The following AVEN variants were observed in gnomAD, a reference collection of about 807,000 sequenced individuals.
AVEN encodes the protein apoptosis and caspase activation inhibitor.
Under a neutral mutation model 38.1 loss-of-function variants are expected in AVEN, and 41 were observed. The observed-to-expected ratio is 1.08, with a 90% CI of 0.84 to 1.40. The LOEUF (loss-of-function observed/expected upper bound fraction) is 1.40, where lower values mean the gene tolerates loss of function less well. Among genes scored for constraint, AVEN ranks in the 40% most tolerant of loss-of-function variants. The pLI is 0.00. For missense variants in AVEN, 605 were observed against 438.8 expected (o/e 1.38, Z -3.38); for synonymous variants, 206 against 171.8 (o/e 1.20, Z -1.56).
chr15:33,859,267 T>G (rs2080076957), intron 11 of AVEN, among the ~76,000 whole-genome samples: 1 of 152,192 alleles, frequency 6.6e-6, no homozygotes, highest in Non-Finnish European at 1.5e-5. Context: ...GAGGAAAAAT[T>G]ATTATATGGC....
chr15:33,855,629 CAATATTT>C (rs2079573175), downstream of AVEN, among the ~76,000 whole-genome samples: 2 of 1,810 alleles, frequency 1.1e-3, no homozygotes, highest in African/African-American at 2.5e-3. Flanking sequence ...AATTAAGAGC[CAATATTT>C]CTGATATCTG....
chr15:34,068,325 C>A (rs892918378), intron 2 of AVEN, among the ~76,000 whole-genome samples: 1 of 151,828 alleles, frequency 6.6e-6, no homozygotes, highest in Non-Finnish European at 1.5e-5. Context: ...CCCACCTCAG[C>A]CTCCCAAGTA....
At chr15:33,863,729 G>C (rs940649639), downstream of AVEN, among the ~76,000 whole-genome samples, 1 of 152,176 alleles carries the variant, frequency 6.6e-6, no homozygotes, top group Non-Finnish European at 1.5e-5. Flanking sequence ...AGATATTCTT[G>C]AGACACACAC....
At chr15:34,056,913 C>T (rs1900174490) in intron 5 of AVEN, among the ~76,000 whole-genome samples, 1 of 152,118 alleles carries the variant, frequency 6.6e-6, no homozygotes, top group African/African-American at 2.4e-5. Flanking sequence ...GTGGCACATG[C>T]CTGTAGTCCC....
chr15:33,865,290 T>G, downstream of AVEN: 1 of 1,169,056 alleles, frequency 8.6e-7, no homozygotes, highest in Non-Finnish European at 1.3e-6. Context: ...AGTCCCCTTT[T>G]TACAGTTCTG....
chr15:33,881,995 T>C (rs1032069684), intron 2 of AVEN, among the ~76,000 whole-genome samples: 6 of 152,170 alleles, frequency 3.9e-5, no homozygotes, highest in South Asian at 2.1e-4. Flanking sequence ...CCTGAATTAA[T>C]TGGGGCATAG....
chr15:34,031,996 C>T (rs534489968), intron 1 of AVEN, among the ~76,000 whole-genome samples: 1 of 144,852 alleles, frequency 6.9e-6, no homozygotes, highest in South Asian at 2.4e-4. Flanking sequence ...ATTTCTGGCA[C>T]CTCAACACAC....
At chr15:33,983,168 G>T (rs797000227) in intron 2 of AVEN, among the ~76,000 whole-genome samples, 1 of 101,748 alleles carries the variant, frequency 9.8e-6, no homozygotes, top group African/African-American at 5.2e-5. Context: ...GTATGTGTGT[G>T]TGTATATATA....
At chr15:34,029,614 A>AGAAGC (rs1166931988) in intron 1 of AVEN, among the ~76,000 whole-genome samples, 1 of 152,224 alleles carries the variant, frequency 6.6e-6, no homozygotes, top group Non-Finnish European at 1.5e-5. Context: ...TAAAAAGAAA[A>AGAAGC]GAAGCAGCAA....
chr15:33,901,731 G>A (rs902998503), intron 2 of AVEN, among the ~76,000 whole-genome samples: 11 of 152,112 alleles, frequency 7.2e-5, no homozygotes, highest in Non-Finnish European at 1.6e-4. Flanking sequence ...GTATCTCATG[G>A]TAGTTTTAAT....
At chr15:33,857,225 T>C (rs1365501032), downstream of AVEN, among the ~76,000 whole-genome samples, 5 of 113,238 alleles carry the variant, frequency 4.4e-5, no homozygotes, top group African/African-American at 6.8e-5. Context: ...AGGCGGTAAG[T>C]AAGTCCAGTA....
chr15:33,974,226 T>C (rs1468201636), intron 2 of AVEN, among the ~76,000 whole-genome samples: 1 of 152,220 alleles, frequency 6.6e-6, no homozygotes, highest in African/African-American at 2.4e-5. Context: ...GAATAAGTAC[T>C]TTGCAAATGA....
downstream of AVEN, chr15:33,865,364 G>A (rs1478551312): frequency 3.1e-6 from 2 of 647,280 alleles, no homozygotes; most frequent in Non-Finnish European, 5.3e-6. Context: ...CTGAAAATCT[G>A]TGCTATTTTG....
chr15:33,917,278 A>G (rs1893172827), intron 2 of AVEN, among the ~76,000 whole-genome samples: 1 of 151,884 alleles, frequency 6.6e-6, no homozygotes, highest in Admixed American at 6.6e-5. Context: ...CGTTTGTAGC[A>G]GCACAATTTG....
chr15:34,036,737 TA>T, intron 1 of AVEN, among the ~76,000 whole-genome samples: 1 of 152,324 alleles, frequency 6.6e-6, no homozygotes, highest in Middle Eastern at 3.4e-3. Flanking sequence ...AGAAAAAGCC[TA>T]AAATTTTAAC....
At chr15:34,047,603 A>T (rs1899758412) in intron 5 of AVEN, among the ~76,000 whole-genome samples, 1 of 152,162 alleles carries the variant, frequency 6.6e-6, no homozygotes, top group South Asian at 2.1e-4. Context: ...TCCCAGCGGG[A>T]GGATGACTGT....
chr15:33,936,688 G>A (rs1302711515), intron 2 of AVEN, among the ~76,000 whole-genome samples: 1 of 152,156 alleles, frequency 6.6e-6, no homozygotes, highest in African/African-American at 2.4e-5. Context: ...ATTCACATGA[G>A]AGAAGAAAGG....
downstream of AVEN, chr15:33,857,764 G>A: frequency 6.2e-7 from 1 of 1,613,746 alleles, no homozygotes; most frequent in South Asian, 1.1e-5. Flanking sequence ...TCCTTTCTCT[G>A]TCCTCTCATT....
At chr15:33,915,568 G>A (rs1257874983) in intron 2 of AVEN, among the ~76,000 whole-genome samples, 1 of 152,192 alleles carries the variant, frequency 6.6e-6, no homozygotes, top group Non-Finnish European at 1.5e-5. Flanking sequence ...AGAGGTCCTT[G>A]GGGAGGGCTA....
Sources: allele counts gnomAD v4.1 joint callset (sites outside exome capture counted in the v4.1 genomes callset), GRCh38; gene constraint gnomAD v4.1.1; transcripts MANE v1.5; gene names NCBI Gene and HGNC (gene_info 2026-07-23, HGNC 2026-07-21).